Variants in HDAC9 observed in about 807,000 individuals in gnomAD.
HDAC9 encodes MEF-2 interacting transcription repressor (MITR) protein.
A neutral mutation model predicts 139.4 loss-of-function variants in HDAC9; 41 were observed. The observed-to-expected ratio is 0.29, with a 90% confidence interval of 0.23 to 0.38. The LOEUF is 0.38. Ranked by LOEUF, HDAC9 falls within the 10% of genes least tolerant of loss-of-function variation. The pLI, the probability that HDAC9 is intolerant of heterozygous loss-of-function variation, is 1.00. For synonymous variants in HDAC9, 517 were observed against 476.2 expected, an observed-to-expected ratio of 1.09 and a Z score of -1.12; for missense variants, 1,147 against 1,297.0, an observed-to-expected ratio of 0.88 and a Z score of 1.78.
chr7:18,090,567 T>C (rs1379096376), intron 1 of HDAC9, among the ~76,000 whole-genome samples: 1 of 152,230 alleles, frequency 6.6e-6, no homozygotes, highest in Non-Finnish European at 1.5e-5. Context: ...TCTTAAAGTT[T>C]ATCAGCACAG....
chr7:18,190,782 CTG>C (rs1303442798), intron 2 of HDAC9, among the ~76,000 whole-genome samples: 1 of 152,152 alleles, frequency 6.6e-6, no homozygotes, highest in Non-Finnish European at 1.5e-5. Flanking sequence ...TATCATCTCA[CTG>C]TGTATTTACA....
At chr7:18,117,417 C>T (rs924709138) in intron 1 of HDAC9, among the ~76,000 whole-genome samples, 3 of 150,822 alleles carry the variant, frequency 2.0e-5, no homozygotes, top group South Asian at 2.1e-4. Flanking sequence ...ACCTGGGAGG[C>T]GGAGCTTGCA....
chr7:18,439,282 C>G (rs1004225367), intron 1 of HDAC9, among the ~76,000 whole-genome samples: 2 of 152,248 alleles, frequency 1.3e-5, no homozygotes, highest in African/African-American at 4.8e-5. Context: ...CATCTCTTTT[C>G]TCATTGTCTC....
chr7:18,307,130 TG>T lies in HDAC9; in HGVS notation c.-42+16616del, dbSNP rs1562861091. On this transcript the variant is annotated intron_variant, in intron 1 of 3. Coordinates refer to the HDAC9 transcript ENST00000413509. ...GTGTGTGTGTGTGTGTGTGTGTGTG[TG>T]TGTGTGTGTGTGTTTGTATAGGAGG... 3.4e-3 allele frequency among the ~76,000 whole-genome samples: 521 copies of T among 151,744 alleles called. 5 individuals carry two copies. The highest frequency in any genetic ancestry group is 0.012 in the African/African-American group (483 of 41,308).
At chr7:18,913,522 C>A (rs980843140) in intron 22 of HDAC9, among the ~76,000 whole-genome samples, 1 of 152,020 alleles carries the variant, frequency 6.6e-6, no homozygotes, top group South Asian at 2.1e-4. Flanking sequence ...AAATAATATG[C>A]GTAATTTTCT....
At chr7:18,465,019 A>C (rs915484430) in intron 1 of HDAC9, among the ~76,000 whole-genome samples, 17 of 151,982 alleles carry the variant, frequency 1.1e-4, no homozygotes, top group Admixed American at 9.8e-4. Context: ...TATTTTGGGC[A>C]CTTAGGATCT....
chr7:18,952,797 C>T (rs536586892), intron 23 of HDAC9, among the ~76,000 whole-genome samples: 5 of 149,166 alleles, frequency 3.4e-5, no homozygotes, highest in Non-Finnish European at 5.9e-5. Context: ...CTTGTACTGC[C>T]ACAGAGCGGT....
chr7:18,570,310 A>G (rs566476801), intron 2 of HDAC9, among the ~76,000 whole-genome samples: 1 of 152,370 alleles, frequency 6.6e-6, no homozygotes, highest in South Asian at 2.1e-4. Context: ...GAGTGCTGAA[A>G]TACACACTTT....
intron 1 of HDAC9, among the ~76,000 whole-genome samples, chr7:18,142,738 A>G (rs1241444326): frequency 1.3e-5 from 2 of 152,150 alleles, no homozygotes; most frequent in Admixed American, 6.6e-5. Flanking sequence ...AGGGCTGCAG[A>G]CTTTTACTTC....
At chr7:18,648,132 C>A in intron 10 of HDAC9, 134 bp downstream of exon 10, 2 of 710,384 alleles carry the variant, frequency 2.8e-6, no homozygotes, top group Non-Finnish European at 4.6e-6. Flanking sequence ...ATACCTGGTA[C>A]TGTGGGAAAG....
chr7:18,503,412 A>G (rs183319731), intron 2 of HDAC9, among the ~76,000 whole-genome samples: 1 of 152,206 alleles, frequency 6.6e-6, no homozygotes, highest in East Asian at 1.9e-4. Context: ...ATTTTTCACA[A>G]TACTAAACGA....
At position 18,432,214 on chromosome 7, in the gene HDAC9, C is replaced by T. The variant is rs1278527981; in HGVS notation, c.-41-64048C>T. Among the ~76,000 whole-genome samples, 3 of 152,226 alleles carry T rather than the reference C, an allele frequency of 2.0e-5. 1 individual carries two copies. In the South Asian group the frequency reaches 6.2e-4, roughly 31 times the overall value. On this transcript the variant is annotated intron_variant, in intron 1 of 3. Transcript: ENST00000413509. ...AAATGCTTATTAAGTACCTACTACG[C>T]TCCAGCTCTGAACTGATTGGGAAGC...
chr7:18,797,864 G>C (rs1415161305), intron 17 of HDAC9, among the ~76,000 whole-genome samples: 1 of 151,514 alleles, frequency 6.6e-6, no homozygotes, highest in Non-Finnish European at 1.5e-5. Flanking sequence ...CTTGTTAATA[G>C]CTTTAAACAT....
intron 1 of HDAC9, among the ~76,000 whole-genome samples, chr7:18,426,284 A>G (rs912570682): frequency 1.3e-5 from 2 of 152,192 alleles, no homozygotes; most frequent in African/African-American, 2.4e-5. Context: ...GTCATTTGTC[A>G]TTCTTTTCCA....
chr7:18,705,110 G>T lies in HDAC9; in HGVS notation c.1732-22470G>T, dbSNP rs114855046. On this transcript the variant is annotated intron_variant, in intron 12 of 25. Transcript: ENST00000686413. ...TAAACACATTAAATGGGGATTGACT[G>T]ATGTACCTGCGGGACTTCTGGATCC... Among the ~76,000 whole-genome samples the T allele has an allele frequency of 3.4e-3, 515 of 152,278 alleles. 6 individuals are homozygous for T. The highest frequency in any genetic ancestry group is 0.012 in the African/African-American group (488 of 41,542).
At chr7:18,104,913 A>G (rs964447467) in intron 1 of HDAC9, among the ~76,000 whole-genome samples, 4 of 151,938 alleles carry the variant, frequency 2.6e-5, no homozygotes, top group African/African-American at 9.7e-5. Context: ...TTTGTTTTCA[A>G]TTCCATTTCC....
At chr7:18,932,880 G>GAAAGAAAGAAAGAAAGAAAGAAAGAAA (rs1554405266) in intron 22 of HDAC9, among the ~76,000 whole-genome samples, 1 of 151,580 alleles carries the variant, frequency 6.6e-6, no homozygotes, top group Non-Finnish European at 1.5e-5. Flanking sequence ...AAGAAAGAAA[G>GAAAGAAAGAAAGAAAGAAAGAAAGAAA]GATGTCCTGA....
At chr7:18,711,161 C>T (rs986309376) in intron 12 of HDAC9, among the ~76,000 whole-genome samples, 3 of 152,138 alleles carry the variant, frequency 2.0e-5, no homozygotes, top group Non-Finnish European at 4.4e-5. Context: ...TTTACAAATT[C>T]AAAAGATGGG....
At chr7:18,771,537 ATG>A (rs144486840) in intron 16 of HDAC9, among the ~76,000 whole-genome samples, 9,159 of 146,048 alleles carry the variant, frequency 0.063, 283 homozygotes, top group Middle Eastern at 0.073. Flanking sequence ...ATTTACAGAT[ATG>A]TGTGTGTGTG....
Sources: allele counts gnomAD v4.1 joint callset (sites outside exome capture counted in the v4.1 genomes callset), GRCh38; gene constraint gnomAD v4.1.1; transcripts MANE v1.5; gene names NCBI Gene and HGNC (gene_info 2026-07-23, HGNC 2026-07-21).